Variants in NEMP1 observed in about 807,000 individuals in gnomAD.
NEMP1 encodes the protein nuclear envelope integral membrane protein 1.
In NEMP1, 29 loss-of-function variants were observed where a neutral mutation model predicts 53.7. The observed-to-expected ratio is 0.54, with a 90% CI of 0.40 to 0.74. The LOEUF (loss-of-function observed/expected upper bound fraction) is 0.74, where lower values mean the gene tolerates loss of function less well. NEMP1 is among the 30% of genes least tolerant of loss of function. The pLI is 0.00. For synonymous variants in NEMP1, 193 were observed against 192.9 expected (o/e 1.00, Z 0.00); for missense variants, 477 against 528.6 (o/e 0.90, Z 0.96).
At chr12:57,068,399 T>G (rs2032195086) in intron 4 of NEMP1, among the ~76,000 whole-genome samples, 1 of 151,876 alleles carries the variant, frequency 6.6e-6, no homozygotes, top group Non-Finnish European at 1.5e-5. Flanking sequence ...TGGCCCAGGT[T>G]GAAGTACAGT....
upstream of NEMP1, among the ~76,000 whole-genome samples, chr12:57,081,474 C>T (rs2032844127): frequency 6.6e-6 from 1 of 151,972 alleles, no homozygotes; most frequent in Non-Finnish European, 1.5e-5. Context: ...AACTCCCGAC[C>T]TCAGGTGATT....
Position 57,056,347 on chromosome 12 carries a change from C to T in NEMP1, c.*3532G>A, listed in dbSNP as rs1233279892. ...TCCCCTAAAAAAATAAAAAAAAAATCAATTTCTGCTATGTAGAAAAAGAAA... is the reference window on the plus strand; with the variant it reads ...TCCCCTAAAAAAATAAAAAAAAAATTAATTTCTGCTATGTAGAAAAAGAAA... On this transcript the variant is annotated 3_prime_UTR_variant, in exon 9 of 9. Coordinates refer to ENST00000300128, the MANE Select transcript of NEMP1 (RefSeq NM_001130963.2). 1 of 152,076 alleles carries T rather than the reference C, an allele frequency of 6.6e-6. No homozygotes were observed. Among genetic ancestry groups the T allele is most frequent in the East Asian group, 1.9e-4 (1 of 5,202 alleles). The allele number at this position is 152,076 out of a possible 1,614,324, so 9.4% of individuals were successfully genotyped here.
upstream of NEMP1, among the ~76,000 whole-genome samples, chr12:57,083,549 T>C (rs1288552392): frequency 6.6e-6 from 1 of 152,234 alleles, no homozygotes; most frequent in Non-Finnish European, 1.5e-5. Flanking sequence ...AAAGATAGTA[T>C]GGTGCATATA....
intron 1 of NEMP1, among the ~76,000 whole-genome samples, chr12:57,087,102 C>T (rs2033018513): frequency 6.6e-6 from 1 of 152,218 alleles, no homozygotes; most frequent in Non-Finnish European, 1.5e-5. Context: ...CCCTCTCTGG[C>T]CGAGCACCCC....
chr12:57,060,683 A>C, intron 8 of NEMP1, 89 bp downstream of exon 8: 2 of 1,348,420 alleles, frequency 1.5e-6, no homozygotes, highest in Non-Finnish European at 2.0e-6. Flanking sequence ...AAAGGTCACA[A>C]GTGCACGATT....
chr12:57,084,725 A>G (rs1372060191), intron 1 of NEMP1, among the ~76,000 whole-genome samples: 1 of 152,234 alleles, frequency 6.6e-6, no homozygotes, highest in Non-Finnish European at 1.5e-5. Flanking sequence ...AGAGGCAAAG[A>G]CACAAATAAC....
upstream of NEMP1, among the ~76,000 whole-genome samples, chr12:57,088,546 T>C (rs1179482785): frequency 1.3e-5 from 2 of 152,158 alleles, no homozygotes; most frequent in African/African-American, 2.4e-5. Context: ...CCACAAGGCC[T>C]GAGTATGGGC....
intron 3 of NEMP1, among the ~76,000 whole-genome samples, chr12:57,070,429 A>G (rs1408399566): frequency 6.6e-6 from 1 of 152,252 alleles, no homozygotes; most frequent in Admixed American, 6.5e-5. Flanking sequence ...GAATAAAAGA[A>G]TAAAAGTCTT....
At chr12:57,063,479 C>T in intron 6 of NEMP1, 135 bp from the exon 7 acceptor site, 1 of 703,934 alleles carries the variant, frequency 1.4e-6, no homozygotes, top group South Asian at 2.0e-5. Flanking sequence ...ATTTTTCACA[C>T]TTTTTTCTTA....
Position 57,058,970 on chromosome 12 carries a change from C to T in NEMP1, c.*909G>A, listed in dbSNP as rs1339935813. On this transcript the variant is annotated 3_prime_UTR_variant, in exon 9 of 9. Transcript: ENST00000300128. ...AATCCCCTAAACAAGATGACTTCTCCTAGCTAGCAGGAATAATGCTACTCT... is the reference window on the plus strand; with the variant it reads ...AATCCCCTAAACAAGATGACTTCTCTTAGCTAGCAGGAATAATGCTACTCT... 2 of 152,192 alleles carry T rather than the reference C, an allele frequency of 1.3e-5. No homozygotes were observed. Among genetic ancestry groups the T allele is most frequent in the African/African-American group, 2.4e-5 (1 of 41,452 alleles). The allele number at this position is 152,192 out of a possible 1,614,324, so 9.4% of individuals were successfully genotyped here.
chr12:57,083,917 G>A (rs1202454232), intron 1 of NEMP1, among the ~76,000 whole-genome samples: 3 of 151,998 alleles, frequency 2.0e-5, no homozygotes, highest in Admixed American at 6.6e-5. Context: ...GGGATTACAG[G>A]CGCCCGCCAC....
In NEMP1 at chr12:57,059,803, T is replaced by C; in HGVS notation, c.*76A>G. ...ATCTATCTCACTCTGTTTCAAAGGG[T>C]TGAAAGCAATTGCACAACACATGCA... On this transcript the variant is annotated 3_prime_UTR_variant, in exon 9 of 9. Transcript: ENST00000300128. 7.5e-7 allele frequency: 1 copy of C among 1,342,228 alleles called. No homozygotes were observed. Among genetic ancestry groups the C allele is most frequent in the Non-Finnish European group, 1.0e-6 (1 of 965,750 alleles). The allele number at this position is 1,342,228 out of a possible 1,614,324, so 83.1% of individuals were successfully genotyped here.
chr12:57,070,603 A>AC, intron 3 of NEMP1, 71 bp downstream of exon 3: 1 of 1,335,828 alleles, frequency 7.5e-7, no homozygotes, highest in Non-Finnish European at 1.0e-6. Context: ...TCTCAGTCTC[A>AC]CTAATTATAC....
chr12:57,074,135 G>GTTT (rs377190460), intron 1 of NEMP1, among the ~76,000 whole-genome samples: 3 of 142,228 alleles, frequency 2.1e-5, no homozygotes, highest in Admixed American at 7.0e-5. Context: ...CACCCAGCTA[G>GTTT]TTTTTTTTTT....
In NEMP1 at chr12:57,060,879, T is replaced by C. The variant is rs2031766689; in HGVS notation, c.1047A>G (p.Ile349Met). 2 of 1,614,216 alleles carry C rather than the reference T, an allele frequency of 1.2e-6. No individual in the cohort carries two copies. Among genetic ancestry groups the C allele is most frequent in the South Asian group, 2.2e-5 (2 of 91,088 alleles). Residue 349 changes from isoleucine to methionine, a missense_variant, in exon 8 of 9, where the codon ATA (isoleucine) becomes ATG (methionine). Physicochemically the swap from Ile to Met is conservative, Grantham distance 10 (BLOSUM62 1). Coordinates refer to ENST00000300128, the MANE Select transcript of NEMP1 (RefSeq NM_001130963.2). The part of the protein sequence containing the change: ...PRLLTEEEYR[I>M]QGEVETRKAL... ...CCTTTCGGGTTTCTACCTCTCCTTG[T>C]ATCCGATATTCTTCTTCTGTCAGGA...
chr12:57,074,134 A>G (rs1360739138), intron 1 of NEMP1, among the ~76,000 whole-genome samples: 1 of 146,936 alleles, frequency 6.8e-6, no homozygotes, highest in Non-Finnish European at 1.5e-5. Context: ...ACACCCAGCT[A>G]GTTTTTTTTT....
chr12:57,079,673 T>C (rs1178219833), upstream of NEMP1, among the ~76,000 whole-genome samples: 1 of 152,192 alleles, frequency 6.6e-6, no homozygotes, highest in Non-Finnish European at 1.5e-5. Context: ...CTGATGGTGA[T>C]GGGTAGGAAA....
intron 3 of NEMP1, 112 bp downstream of exon 3, chr12:57,070,562 A>G (rs1315928073): frequency 1.2e-6 from 1 of 867,570 alleles, no homozygotes; most frequent in Non-Finnish European, 1.8e-6. Context: ...GGTTATAATC[A>G]GAACCCAACT....
At chr12:57,079,482 C>A (rs1015959351), upstream of NEMP1, among the ~76,000 whole-genome samples, 3 of 152,188 alleles carry the variant, frequency 2.0e-5, no homozygotes, top group African/African-American at 2.4e-5. Context: ...GCCACAGGAA[C>A]CTGCCCAAGA....
Sources: allele counts gnomAD v4.1 joint callset (sites outside exome capture counted in the v4.1 genomes callset), GRCh38; gene constraint gnomAD v4.1.1; transcripts MANE v1.5; gene names NCBI Gene and HGNC (gene_info 2026-07-23, HGNC 2026-07-21).